HABP4: variants seen among roughly 807,000 people sequenced by gnomAD.
The protein encoded by HABP4 is hyaluronan binding protein 4.
In HABP4, 32 loss-of-function variants were observed where a neutral mutation model predicts 44.1. That is an observed-to-expected ratio of 0.73 (90% CI 0.55 to 0.97). The LOEUF is 0.97. HABP4 is among the 50% of genes least tolerant of loss of function. The pLI is 0.00. For synonymous variants in HABP4, 216 were observed against 218.0 expected, an observed-to-expected ratio of 0.99 and a Z score of 0.08; for missense variants, 503 against 561.9, an observed-to-expected ratio of 0.90 and a Z score of 1.06.
intron 1 of HABP4, among the ~76,000 whole-genome samples, chr9:96,454,536 C>T (rs1463613498): frequency 1.3e-5 from 2 of 151,648 alleles, no homozygotes; most frequent in African/African-American, 4.8e-5. Context: ...CTGCAAGCTC[C>T]ACCTCCCGAG....
rs988889392 is a variant in HABP4 at position 96,490,976 on chromosome 9, A to C, written c.*938A>C. The C allele has an allele frequency of 6.6e-6, 1 of 152,236 alleles. No homozygotes were observed. The highest frequency in any genetic ancestry group is 2.4e-5 in the African/African-American group (1 of 41,436). 9.4% of individuals were successfully genotyped at this position (152,236 alleles called of 1,614,324 possible). A position where few individuals can be genotyped will look rare whatever the true frequency, so the allele number is the denominator to read the frequency against. ...GTTCCTCTTTATTGCTTTTGGTGAAAGTTTGGGGTTGGGGGTACACCTCAG... is the reference window on the plus strand; with the variant it reads ...GTTCCTCTTTATTGCTTTTGGTGAACGTTTGGGGTTGGGGGTACACCTCAG... On this transcript the variant is annotated 3_prime_UTR_variant, in exon 8 of 8. Transcript: ENST00000375249.
intron 4 of HABP4, among the ~76,000 whole-genome samples, chr9:96,468,219 A>ACTACAGGC (rs1832637803): frequency 6.6e-6 from 1 of 150,456 alleles, no homozygotes; most frequent in Non-Finnish European, 1.5e-5. Flanking sequence ...AGCAGCTAGG[A>ACTACAGGC]CTACAGGCGC....
intron 6 of HABP4, among the ~76,000 whole-genome samples, chr9:96,484,877 A>G (rs1213259302): frequency 1.3e-5 from 2 of 152,182 alleles, no homozygotes; most frequent in Non-Finnish European, 2.9e-5. Flanking sequence ...CCCTGGGACT[A>G]TGCGGGTACT....
At chr9:96,460,578 T>C (rs1487492408) in intron 2 of HABP4, among the ~76,000 whole-genome samples, 1 of 152,256 alleles carries the variant, frequency 6.6e-6, no homozygotes, top group East Asian at 1.9e-4. Context: ...AGAAAACATT[T>C]CTGCTTCAGG....
chr9:96,489,995 C>G lies in HABP4; in HGVS notation c.1199C>G (p.Ala400Gly). 6.3e-7 allele frequency: 1 copy of G among 1,594,740 alleles called. No homozygotes were observed. The highest frequency in any genetic ancestry group is 2.2e-5 in the East Asian group (1 of 44,790). ...PRAEVVMQDV[A>G]PNPDDPEDFP... ...TTTTTTCTTTAGATGCAAGATGTTG[C>G]CCCCAACCCAGATGACCCGGAAGAT... is the stretch of plus-strand genomic sequence containing the variant. Residue 400 changes from alanine (A) to glycine (G), a missense_variant, in exon 8 of 8, where the codon GCC becomes GGC. Physicochemically the swap from Ala to Gly is moderately conservative, Grantham distance 60. Transcript: ENST00000375249.
At chr9:96,451,175 C>T (rs1832269702) in intron 1 of HABP4, among the ~76,000 whole-genome samples, 2 of 152,246 alleles carry the variant, frequency 1.3e-5, no homozygotes, top group Non-Finnish European at 2.9e-5. Flanking sequence ...TTCGCCCCTT[C>T]TCCGTCCGGT....
intron 2 of HABP4, among the ~76,000 whole-genome samples, chr9:96,461,364 A>G (rs567255421): frequency 5.7e-4 from 87 of 152,320 alleles, no homozygotes; most frequent in African/African-American, 1.9e-3. Flanking sequence ...TTAAATGACC[A>G]GTAAACTACA....
At chr9:96,457,133 C>T (rs148523421) in intron 1 of HABP4, among the ~76,000 whole-genome samples, 2,198 of 152,052 alleles carry the variant, frequency 0.014, 56 homozygotes, top group African/African-American at 0.05. Flanking sequence ...CGGTGGCTCA[C>T]GCCTGTAATC....
At chr9:96,466,026 A>C (rs1204390364) in intron 4 of HABP4, among the ~76,000 whole-genome samples, 1 of 152,186 alleles carries the variant, frequency 6.6e-6, no homozygotes, top group Non-Finnish European at 1.5e-5. Flanking sequence ...ATGACCATGT[A>C]TTTGCTGATG....
intron 1 of HABP4, among the ~76,000 whole-genome samples, chr9:96,452,084 G>A (rs1455425062): frequency 5.3e-5 from 8 of 152,054 alleles, no homozygotes; most frequent in Admixed American, 3.3e-4. Flanking sequence ...AAAATTAGTC[G>A]GGCGTGGTGG....
chr9:96,473,371 C>T (rs1013543294), intron 5 of HABP4, among the ~76,000 whole-genome samples: 5 of 152,162 alleles, frequency 3.3e-5, no homozygotes, highest in African/African-American at 1.2e-4. Context: ...TCTTCTTGAC[C>T]CTCCTCTTTC....
rs1445903025 is a variant in HABP4 at position 96,490,534 on chromosome 9, CT to C, written c.*497del. 1 of 152,484 alleles carries C rather than the reference CT, an allele frequency of 6.6e-6. No individual in the cohort carries two copies. Among genetic ancestry groups the C allele is most frequent in the Non-Finnish European group, 1.5e-5 (1 of 68,284 alleles). The allele number at this position is 152,484 out of a possible 1,614,324, so 9.4% of individuals were successfully genotyped here. On this transcript the variant is annotated 3_prime_UTR_variant, in exon 8 of 8. Transcript: ENST00000375249. ...TTACTTGTAAATGTTATCTTCTCTC[CT>C]GGAATATTTTGAGTTCTGGTTTTCA...
chr9:96,489,235 T>C (rs776830899), intron 7 of HABP4, among the ~76,000 whole-genome samples: 5 of 152,100 alleles, frequency 3.3e-5, no homozygotes, highest in Non-Finnish European at 5.9e-5. Flanking sequence ...ATAGGGTCTA[T>C]TCTGCGATAG....
At chr9:96,461,391 A>T (rs1832496469) in intron 2 of HABP4, among the ~76,000 whole-genome samples, 1 of 152,156 alleles carries the variant, frequency 6.6e-6, no homozygotes, top group Non-Finnish European at 1.5e-5. Context: ...AAGAGCCAAA[A>T]TTCATCTAGA....
intron 2 of HABP4, among the ~76,000 whole-genome samples, chr9:96,460,174 A>C (rs1242703524): frequency 6.6e-6 from 1 of 152,196 alleles, no homozygotes; most frequent in Non-Finnish European, 1.5e-5. Flanking sequence ...AATAGCTATT[A>C]AGTGAAATAA....
chr9:96,454,949 C>CA lies in HABP4; in HGVS notation c.350-3421dup, dbSNP rs34778808. On this transcript the variant is annotated intron_variant, in intron 1 of 7. Transcript: ENST00000375249. Reference sequence around the variant, plus strand: ...GGCAACAAAATGAGACCTGTCTCTACAAAAAAAAATTTTTTTTTTAATTAG... The same window carrying CA: ...GGCAACAAAATGAGACCTGTCTCTACAAAAAAAAAATTTTTTTTTTAATTAG... Among the ~76,000 whole-genome samples the CA allele has an allele frequency of 2.0e-5, 3 of 150,682 alleles. No individual in the cohort carries two copies. In the South Asian group the frequency reaches 6.3e-4, roughly 32 times the overall value.
At chr9:96,458,626 CTTTTTT>C in intron 2 of HABP4, 85 bp downstream of exon 2, 1 of 648,670 alleles carries the variant, frequency 1.5e-6, no homozygotes, top group Non-Finnish European at 2.5e-6. Flanking sequence ...TTCTTTCTTT[CTTTTTT>C]TTTTTTTTTT....
chr9:96,484,047 A>G (rs768968911), intron 5 of HABP4: 1 of 153,930 alleles, frequency 6.5e-6, no homozygotes, highest in Non-Finnish European at 1.4e-5. Context: ...AAAACTCATT[A>G]AAGAGGATAT....
At chr9:96,454,253 A>G (rs1465692543) in intron 1 of HABP4, among the ~76,000 whole-genome samples, 1 of 152,232 alleles carries the variant, frequency 6.6e-6, no homozygotes, top group Non-Finnish European at 1.5e-5. Flanking sequence ...TGGGTTGGAA[A>G]TAGGAAATCT....
Sources: allele counts gnomAD v4.1 joint callset (sites outside exome capture counted in the v4.1 genomes callset), GRCh38; gene constraint gnomAD v4.1.1; transcripts MANE v1.5; gene names NCBI Gene and HGNC (gene_info 2026-07-23, HGNC 2026-07-21).